RBFOX1: variants seen among roughly 807,000 people sequenced by gnomAD.
RBFOX1 encodes RNA binding protein fox-1 homolog 1.
Under a neutral mutation model 57.7 loss-of-function variants are expected in RBFOX1, and 8 were observed. The observed-to-expected ratio is 0.14, with a 90% confidence interval of 0.08 to 0.25. The LOEUF (loss-of-function observed/expected upper bound fraction) is 0.25. Ranked by LOEUF, RBFOX1 falls within the 10% of genes least tolerant of loss-of-function variation. The pLI is 1.00. For missense variants in RBFOX1, 611 were observed against 548.5 expected (o/e 1.11, Z -1.14); for synonymous variants, 326 against 222.4 (o/e 1.47, Z -4.15).
chr16:6,289,594 G>A (rs1344469), intron 1 of RBFOX1, among the ~76,000 whole-genome samples: 24,117 of 151,966 alleles, frequency 0.16, 2,283 homozygotes, highest in Non-Finnish European at 0.2. Context: ...GTGTCTTTCC[G>A]TCCTCTAGCT....
intron 3 of RBFOX1, among the ~76,000 whole-genome samples, chr16:6,815,061 G>A (rs1372752223): frequency 6.6e-6 from 1 of 152,052 alleles, no homozygotes; most frequent in Non-Finnish European, 1.5e-5. Flanking sequence ...AGTTTTTCCC[G>A]GAAAGCGGTA....
At chr16:6,001,738 A>C (rs1471371376) in intron 4 of RBFOX1, among the ~76,000 whole-genome samples, 1 of 152,200 alleles carries the variant, frequency 6.6e-6, no homozygotes, top group African/African-American at 2.4e-5. Flanking sequence ...GAAAAATATC[A>C]ACTCTATAAG....
chr16:6,859,111 G>GTATATATA (rs796794349), intron 3 of RBFOX1, among the ~76,000 whole-genome samples: 85 of 65,040 alleles, frequency 1.3e-3, no homozygotes, highest in African/African-American at 4.0e-3. Context: ...TAAAAAAAGT[G>GTATATATA]TATATATATA....
At chr16:6,042,972 C>T (rs1004590830) in intron 1 of RBFOX1, among the ~76,000 whole-genome samples, 3 of 151,416 alleles carry the variant, frequency 2.0e-5, no homozygotes, top group Admixed American at 2.0e-4. Context: ...AAATGCTTAG[C>T]CAGGCTTGGT....
chr16:6,306,501 T>C (rs933880774), intron 1 of RBFOX1, among the ~76,000 whole-genome samples: 3 of 152,250 alleles, frequency 2.0e-5, no homozygotes, highest in African/African-American at 7.2e-5. Context: ...GATTTCTTCA[T>C]GGATGAAATC....
intron 1 of RBFOX1, among the ~76,000 whole-genome samples, chr16:6,229,132 A>G (rs2097438930): frequency 6.6e-6 from 1 of 152,186 alleles, no homozygotes; most frequent in Admixed American, 6.6e-5. Context: ...GACGTAGTTA[A>G]GATAAATGAC....
intron 6 of RBFOX1, among the ~76,000 whole-genome samples, chr16:7,580,359 A>G (rs775773989): frequency 6.6e-6 from 1 of 152,174 alleles, no homozygotes; most frequent in Non-Finnish European, 1.5e-5. Flanking sequence ...AGTCTTTCCC[A>G]GGCACTGTGC....
At chr16:7,009,883 G>A (rs763649618) in intron 3 of RBFOX1, among the ~76,000 whole-genome samples, 1 of 152,146 alleles carries the variant, frequency 6.6e-6, no homozygotes, top group Non-Finnish European at 1.5e-5. Flanking sequence ...GGCTATTTTG[G>A]TGCCGTTTAG....
chr16:6,023,098 C>T (rs1003943264), intron 1 of RBFOX1, among the ~76,000 whole-genome samples: 2 of 152,048 alleles, frequency 1.3e-5, no homozygotes, highest in Non-Finnish European at 2.9e-5. Context: ...TATAAAGTTT[C>T]AGTAATGTTG....
chr16:6,154,421 AACTATG>A (rs1555528764), intron 1 of RBFOX1, among the ~76,000 whole-genome samples: 1 of 152,250 alleles, frequency 6.6e-6, no homozygotes, highest in Non-Finnish European at 1.5e-5. Context: ...ACTGTAAAAT[AACTATG>A]ACGTAGGCAG....
rs188343565 is a variant in RBFOX1 at position 6,830,069 on chromosome 16, A to C, written c.-16+175419A>C. On this transcript the variant is annotated intron_variant, in intron 3 of 15. Transcript: ENST00000550418. ...GTAACTAGGATTACAGGCACACACC[A>C]CCAAGCCTGGCTAATTTTTGTATTT... 2.0e-4 allele frequency among the ~76,000 whole-genome samples: 30 copies of C among 151,946 alleles called. 1 individual carries two copies. Among genetic ancestry groups the C allele is most frequent in the African/African-American group, 7.2e-4 (30 of 41,434 alleles).
chr16:6,152,580 A>G (rs1248669289), intron 1 of RBFOX1, among the ~76,000 whole-genome samples: 1 of 152,206 alleles, frequency 6.6e-6, no homozygotes, highest in African/African-American at 2.4e-5. Flanking sequence ...AGTGGAAGAA[A>G]TTGTTCCCTG....
At chr16:7,349,730 G>A (rs747269280) in intron 4 of RBFOX1, among the ~76,000 whole-genome samples, 1 of 152,144 alleles carries the variant, frequency 6.6e-6, no homozygotes, top group Non-Finnish European at 1.5e-5. Flanking sequence ...TCAACATTCA[G>A]TGTGTGCTAG....
At chr16:7,445,071 C>A (rs559434827) in intron 4 of RBFOX1, among the ~76,000 whole-genome samples, 1 of 150,002 alleles carries the variant, frequency 6.7e-6, no homozygotes, top group African/African-American at 2.5e-5. Context: ...CTTGACTGCC[C>A]GGAAAAATAC....
intron 1 of RBFOX1, among the ~76,000 whole-genome samples, chr16:5,242,437 C>G (rs1385544788): frequency 6.6e-6 from 1 of 152,168 alleles, no homozygotes; most frequent in African/African-American, 2.4e-5. Flanking sequence ...TGGCCCAAAG[C>G]CCACTGCTGC....
intron 4 of RBFOX1, among the ~76,000 whole-genome samples, chr16:7,094,645 TTA>T (rs1315366497): frequency 3.9e-4 from 54 of 137,676 alleles, no homozygotes; most frequent in African/African-American, 1.3e-3. Context: ...TTTTTTTTTT[TTA>T]AATCATTACA....
chr16:5,855,657 T>G (rs1371320920), intron 3 of RBFOX1, among the ~76,000 whole-genome samples: 1 of 152,184 alleles, frequency 6.6e-6, no homozygotes, highest in African/African-American at 2.4e-5. Flanking sequence ...AGAACATATG[T>G]GATGCCTTCA....
chr16:5,748,975 T>C (rs530690081), intron 3 of RBFOX1, among the ~76,000 whole-genome samples: 44 of 152,346 alleles, frequency 2.9e-4, no homozygotes, highest in Admixed American at 2.1e-3. Context: ...TTGATGGTCT[T>C]TACAATTTGG....
At chr16:5,630,430 C>G (rs1475904588) in intron 3 of RBFOX1, among the ~76,000 whole-genome samples, 2 of 151,872 alleles carry the variant, frequency 1.3e-5, no homozygotes, top group Admixed American at 6.6e-5. Flanking sequence ...GCACTCCAGC[C>G]TGGGTGACAG....
Sources: gnomAD v4.1 joint callset for allele counts (sites outside exome capture counted in the v4.1 genomes callset) on GRCh38, gnomAD v4.1.1 for gene constraint, MANE v1.5 for transcripts, NCBI Gene and HGNC (gene_info 2026-07-23, HGNC 2026-07-21) for gene names.